The following AMZ1 variants were observed in gnomAD, a reference collection of about 807,000 sequenced individuals.
AMZ1 encodes the protein archaelysin family metallopeptidase 1.
Under a neutral mutation model 29.9 loss-of-function variants are expected in AMZ1, and 39 were observed. That is an observed-to-expected ratio of 1.30 (90% CI 1.01 to 1.70). The LOEUF (loss-of-function observed/expected upper bound fraction) is 1.70, where lower values mean the gene tolerates loss of function less well. Among genes scored for constraint, AMZ1 ranks in the 40% most tolerant of loss-of-function variants. The probability of loss-of-function intolerance (pLI) is 0.00; values close to 1 mark genes in which losing one functional copy is unlikely to be tolerated. For missense variants in AMZ1, 1,041 were observed against 680.6 expected (o/e 1.53, Z -5.89); for synonymous variants, 458 against 304.0 (o/e 1.51, Z -5.27).
intron 1 of AMZ1, among the ~76,000 whole-genome samples, chr7:2,682,946 A>G (rs1235367036): frequency 6.6e-6 from 1 of 152,148 alleles, no homozygotes; most frequent in Non-Finnish European, 1.5e-5. Context: ...CCAGCCTCAG[A>G]GCCGTCCTCC....
intron 4 of AMZ1, among the ~76,000 whole-genome samples, chr7:2,733,027 C>T (rs375860593): frequency 8.5e-5 from 13 of 152,322 alleles, no homozygotes; most frequent in African/African-American, 2.9e-4. Context: ...TGTCATTTTT[C>T]GTCTTGTCTT....
intron 3 of AMZ1, among the ~76,000 whole-genome samples, chr7:2,706,214 G>T (rs766381614): frequency 6.6e-5 from 10 of 152,150 alleles, no homozygotes; most frequent in Non-Finnish European, 1.3e-4. Context: ...CTTGCTTTGT[G>T]ACCCAGGCTC....
rs1043770405 is a variant in AMZ1, at chr7:2,730,532, G to C, written n.550+20716G>C. 3 of 152,588 alleles carry C rather than the reference G, an allele frequency of 2.0e-5. No individual in the cohort carries two copies. In the East Asian group the frequency reaches 5.6e-4, roughly 29 times the overall value. 9.5% of individuals were successfully genotyped at this position (152,588 alleles called of 1,614,324 possible). A position where few individuals can be genotyped will look rare whatever the true frequency, so the allele number is the denominator to read the frequency against. On this transcript the variant is annotated intron_variant and non_coding_transcript_variant, in intron 4 of 4. Transcript: ENST00000489665. ...TCCTCAGAGCTGGGAAGGGATCCTAGGCACGGCTCCTCAGCTTCATCTGAG... is the reference window on the plus strand; with the variant it reads ...TCCTCAGAGCTGGGAAGGGATCCTACGCACGGCTCCTCAGCTTCATCTGAG...
At chr7:2,683,564 A>C (rs1001612012), upstream of AMZ1, among the ~76,000 whole-genome samples, 18 of 151,794 alleles carry the variant, frequency 1.2e-4, no homozygotes, top group Non-Finnish European at 5.9e-5. Flanking sequence ...CAGACTCCCG[A>C]GTAGCTGGGA....
chr7:2,709,031 C>A, intron 4 of AMZ1, 44 bp from the exon 5 acceptor site: 1 of 1,525,688 alleles, frequency 6.6e-7, no homozygotes, highest in Non-Finnish European at 8.8e-7. Flanking sequence ...CCCCCAGAGC[C>A]AAGGCTGACC....
Position 2,700,218 on chromosome 7 carries a change from T to G in AMZ1, c.-218-16T>G. The G allele has an allele frequency of 1.7e-6, 1 of 574,772 alleles. No homozygotes were observed. Among genetic ancestry groups the G allele is most frequent in the Non-Finnish European group, 3.1e-6 (1 of 323,582 alleles). 35.6% of individuals were successfully genotyped at this position (574,772 alleles called of 1,614,324 possible). A position where few individuals can be genotyped will look rare whatever the true frequency, so the allele number is the denominator to read the frequency against. On this transcript the variant is annotated splice_polypyrimidine_tract_variant and intron_variant, in intron 1 of 6. Coordinates refer to ENST00000683327, the MANE Select transcript of AMZ1 (RefSeq NM_001384743.1). Reference sequence around the variant, plus strand: ...GTGCTCGGCAGTGAGGGGACCCCTGTTCGTGTCATCCACAGGGTGCTGTGG... The same window carrying G: ...GTGCTCGGCAGTGAGGGGACCCCTGGTCGTGTCATCCACAGGGTGCTGTGG...
chr7:2,727,286 T>C (rs1258336490), intron 4 of AMZ1, among the ~76,000 whole-genome samples: 2 of 152,166 alleles, frequency 1.3e-5, no homozygotes, highest in Non-Finnish European at 2.9e-5. Context: ...TTCACCATGT[T>C]GGCCAGGATG....
rs1410844191 is a variant in AMZ1 at position 2,681,858 on chromosome 7, CAGAG to C, written c.-219+2189_-219+2192del. 7.2e-5 allele frequency among the ~76,000 whole-genome samples: 11 copies of C among 152,222 alleles called. No individual in the cohort carries two copies. In the East Asian group the frequency reaches 1.9e-3, roughly 27 times the overall value. On this transcript the variant is annotated intron_variant, in intron 1 of 6. Transcript: ENST00000312371. Reference sequence around the variant, plus strand: ...ACCCCAAGAGACAGAGACAGACAGACAGAGATAGAAACTCAGAGAGACAGACAGA... The same window carrying C: ...ACCCCAAGAGACAGAGACAGACAGACATAGAAACTCAGAGAGACAGACAGA...
In AMZ1 at chr7:2,719,644, C is replaced by A. The variant is rs76831961; in HGVS notation, c.*6766C>A. Among the ~76,000 whole-genome samples, 1 of 152,026 alleles carries A rather than the reference C, an allele frequency of 6.6e-6. No homozygotes were observed. Among genetic ancestry groups the A allele is most frequent in the African/African-American group, 2.4e-5 (1 of 41,380 alleles). ...GCTTTTCTATAATGCTTACATCTTA[C>A]ATTTTCATTCTCAAAATTAATAAAT... On this transcript the variant is annotated 3_prime_UTR_variant, in exon 7 of 7. Coordinates refer to ENST00000683327, the MANE Select transcript of AMZ1 (RefSeq NM_001384743.1).
intron 1 of AMZ1, among the ~76,000 whole-genome samples, chr7:2,692,183 G>A (rs1279730915): frequency 6.6e-6 from 1 of 152,188 alleles, no homozygotes; most frequent in Non-Finnish European, 1.5e-5. Context: ...GGCCAGCCAG[G>A]CTCCTGGAGG....
At chr7:2,740,370 C>G (rs143511799) in intron 4 of AMZ1, among the ~76,000 whole-genome samples, 2 of 152,032 alleles carry the variant, frequency 1.3e-5, no homozygotes, top group Non-Finnish European at 1.5e-5. Context: ...AAGAAGAGAC[C>G]GGAGAGCTCT....
At chr7:2,689,388 G>A (rs536552141) in intron 1 of AMZ1, among the ~76,000 whole-genome samples, 28 of 152,226 alleles carry the variant, frequency 1.8e-4, no homozygotes, top group East Asian at 1.5e-3. Context: ...GGATGCGGAC[G>A]TGCTCTTTTC....
At chr7:2,753,073 GTA>G (rs1791114748) in intron 4 of AMZ1, among the ~76,000 whole-genome samples, 1 of 151,962 alleles carries the variant, frequency 6.6e-6, no homozygotes, top group Admixed American at 6.6e-5. Flanking sequence ...TCTCTAGAAT[GTA>G]TAGTCACTGA....
intron 1 of AMZ1, among the ~76,000 whole-genome samples, chr7:2,690,605 C>T (rs185825009): frequency 6.6e-5 from 10 of 152,148 alleles, no homozygotes; most frequent in East Asian, 3.9e-4. Flanking sequence ...GCTGGGTTTC[C>T]GATGTAGATG....
chr7:2,735,155 T>G (rs208357), intron 4 of AMZ1, among the ~76,000 whole-genome samples: 100,997 of 152,056 alleles, frequency 0.66, 35,155 homozygotes, highest in East Asian at 0.93. Flanking sequence ...CGCCTCTCTC[T>G]CCTGCCTCCT....
In AMZ1 at chr7:2,688,320, T is replaced by A. The variant is rs1787172547; in HGVS notation, c.-219+24T>A. The A allele has an allele frequency of 3.4e-5, 5 of 149,194 alleles. No individual in the cohort carries two copies. In the South Asian group the frequency reaches 1.1e-3, roughly 31 times the overall value. The allele number at this position is 149,194 out of a possible 1,614,324, so 9.2% of individuals were successfully genotyped here. A position where few individuals can be genotyped will look rare whatever the true frequency, so the allele number is the denominator to read the frequency against. ...AGGTAGGGGGGCGCGCGGGGAAGAC[T>A]CGGGGGCGCAGGGACCGAGAGGGAC... On this transcript the variant is annotated intron_variant, in intron 1 of 6. Transcript: ENST00000683327.
chr7:2,758,113 A>G (rs893182753), intron 4 of AMZ1, among the ~76,000 whole-genome samples: 9 of 152,160 alleles, frequency 5.9e-5, no homozygotes, highest in Non-Finnish European at 5.9e-5. Flanking sequence ...CTCTTTATGG[A>G]AAGCCCCTCT....
rs565659702 is a variant in AMZ1 at position 2,703,251 on chromosome 7, C to G, written c.472+362C>G. Among the ~76,000 whole-genome samples the G allele has an allele frequency of 3.3e-5, 5 of 152,276 alleles. No individual in the cohort carries two copies. In the East Asian group the frequency reaches 7.7e-4, roughly 24 times the overall value. Reference sequence around the variant, plus strand: ...AACCTCCCGGTTGAGGCAAGCGATTCTCCTGCCTCAGCCTTCTGAGTAGCT... The same window carrying G: ...AACCTCCCGGTTGAGGCAAGCGATTGTCCTGCCTCAGCCTTCTGAGTAGCT... On this transcript the variant is annotated intron_variant, in intron 3 of 6. Transcript: ENST00000683327.
At chr7:2,741,822 G>A (rs1382210016) in intron 4 of AMZ1, among the ~76,000 whole-genome samples, 1 of 150,638 alleles carries the variant, frequency 6.6e-6, no homozygotes, top group African/African-American at 2.4e-5. Context: ...GCTGCTTCAG[G>A]AGAACGCCGC....
Sources: gnomAD v4.1 joint callset for allele counts (sites outside exome capture counted in the v4.1 genomes callset) on GRCh38, gnomAD v4.1.1 for gene constraint, MANE v1.5 for transcripts, NCBI Gene and HGNC (gene_info 2026-07-23, HGNC 2026-07-21) for gene names.